Variants in CTNNA2 observed in about 807,000 individuals in gnomAD.
The protein encoded by CTNNA2 is catenin alpha 2, also known as catenin alpha-2.
CTNNA2 carries 42 observed loss-of-function variants against 101.0 expected under a neutral mutation model. That is an observed-to-expected ratio of 0.42 (90% CI 0.32 to 0.54). The LOEUF (loss-of-function observed/expected upper bound fraction) is 0.54, where lower values mean the gene tolerates loss of function less well. Ranked by LOEUF, CTNNA2 falls within the 20% of genes least tolerant of loss-of-function variation. The pLI is 0.14. For missense variants in CTNNA2, 871 were observed against 1,223.1 expected (o/e 0.71, Z 4.29); for synonymous variants, 450 against 456.4 (o/e 0.99, Z 0.18).
intron 7 of CTNNA2, among the ~76,000 whole-genome samples, chr2:79,969,158 A>G (rs1690297302): frequency 6.6e-6 from 1 of 152,196 alleles, no homozygotes; most frequent in South Asian, 2.1e-4. Context: ...CTACCAACCA[A>G]TATTAAATCC....
chr2:80,445,476 C>T (rs921350755), intron 9 of CTNNA2, among the ~76,000 whole-genome samples: 4 of 152,228 alleles, frequency 2.6e-5, no homozygotes, highest in African/African-American at 7.2e-5. Flanking sequence ...CCACTGTGCT[C>T]GGCCCCGTTA....
Position 80,213,866 on chromosome 2 carries a change from T to A in CTNNA2, c.1057-179345T>A, listed in dbSNP as rs553737345. On this transcript the variant is annotated intron_variant, in intron 7 of 18. Transcript: ENST00000402739. ...GGGAGTCTAAGTCTCTTTGTTGGTC[T>A]CTAAGGACTTGCTTTATGAATCTGG... Among the ~76,000 whole-genome samples the A allele has an allele frequency of 1.7e-3, 258 of 152,308 alleles. No individual in the cohort carries two copies. The Middle Eastern group carries it at 0.02, about 12-fold the overall frequency.
At chr2:80,355,045 A>G (rs76936128) in intron 7 of CTNNA2, among the ~76,000 whole-genome samples, 1,768 of 152,240 alleles carry the variant, frequency 0.012, 21 homozygotes, top group South Asian at 0.057. Context: ...TGTGGACAGG[A>G]TAAGGGCTGG....
At chr2:79,501,693 G>C (rs896227284) in intron 4 of CTNNA2, among the ~76,000 whole-genome samples, 12 of 152,162 alleles carry the variant, frequency 7.9e-5, no homozygotes, top group Non-Finnish European at 1.3e-4. Context: ...TAGTTTCAGG[G>C]AAGATCACAA....
intron 18 of CTNNA2, among the ~76,000 whole-genome samples, chr2:80,646,333 ATTGATATATCTCATTAG>A (rs1208412001): frequency 6.6e-6 from 1 of 152,138 alleles, no homozygotes; most frequent in Non-Finnish European, 1.5e-5. Context: ...GTTAACTGTA[ATTGATATATCTCATTAG>A]TTGATGTTAC....
At position 80,336,617 on chromosome 2, in the gene CTNNA2, C is replaced by T. The variant is rs534346433; in HGVS notation, c.1057-56594C>T. 1.2e-4 allele frequency among the ~76,000 whole-genome samples: 19 copies of T among 152,166 alleles called. 1 individual carries two copies. In the South Asian group the frequency reaches 1.5e-3, roughly 12 times the overall value. Reference sequence around the variant, plus strand: ...TGCTTGCATCTATGCATCTCAAACCCCTATATAGTACTTTGAGTTTTCCAT... The same window carrying T: ...TGCTTGCATCTATGCATCTCAAACCTCTATATAGTACTTTGAGTTTTCCAT... On this transcript the variant is annotated intron_variant, in intron 7 of 18. Transcript: ENST00000402739.
chr2:79,730,426 A>C (rs1317421532), intron 2 of CTNNA2, among the ~76,000 whole-genome samples: 3 of 151,992 alleles, frequency 2.0e-5, no homozygotes, highest in Non-Finnish European at 4.4e-5. Flanking sequence ...TTTTGGAAAA[A>C]ACTGTTTTTA....
chr2:80,529,868 A>C (rs7582241), intron 9 of CTNNA2, among the ~76,000 whole-genome samples: 63,405 of 151,838 alleles, frequency 0.42, 13,460 homozygotes, highest in South Asian at 0.44. Flanking sequence ...GGATGAGAGT[A>C]AAACATTTCA....
At chr2:79,452,386 GA>G (rs1251170320) in intron 4 of CTNNA2, among the ~76,000 whole-genome samples, 1 of 151,792 alleles carries the variant, frequency 6.6e-6, no homozygotes, top group African/African-American at 2.4e-5. Flanking sequence ...TTGAAGGAAA[GA>G]AATGCCACAG....
intron 7 of CTNNA2, among the ~76,000 whole-genome samples, chr2:79,931,187 A>G (rs1462692385): frequency 6.6e-6 from 1 of 152,188 alleles, no homozygotes; most frequent in African/African-American, 2.4e-5. Flanking sequence ...TGTGTTAACT[A>G]GTGGTTAAAA....
In CTNNA2 at chr2:80,415,668, A is replaced by G. The variant is rs1298635451; in HGVS notation, c.1138-3781A>G. Among the ~76,000 whole-genome samples the G allele has an allele frequency of 2.6e-5, 4 of 152,136 alleles. No individual in the cohort carries two copies. In the South Asian group the frequency reaches 8.3e-4, roughly 32 times the overall value. On this transcript the variant is annotated intron_variant, in intron 8 of 18. Transcript: ENST00000402739. ...TATGGAGGTGCCTCAAAAAATTAAA[A>G]CTAGAACTTCTGGGTAGAATCTGAT...
intron 2 of CTNNA2, among the ~76,000 whole-genome samples, chr2:79,276,826 A>C (rs1675224080): frequency 6.6e-6 from 1 of 152,114 alleles, no homozygotes; most frequent in African/African-American, 2.4e-5. Flanking sequence ...CATGAAAATT[A>C]AATGTTGTTT....
chr2:80,131,117 G>A (rs1178967323), intron 7 of CTNNA2, among the ~76,000 whole-genome samples: 2 of 152,060 alleles, frequency 1.3e-5, no homozygotes, highest in Non-Finnish European at 2.9e-5. Context: ...GAGTGCAGTG[G>A]CGTAATCTCC....
At chr2:79,809,401 C>T (rs1676832404) in intron 3 of CTNNA2, among the ~76,000 whole-genome samples, 1 of 152,202 alleles carries the variant, frequency 6.6e-6, no homozygotes, top group Non-Finnish European at 1.5e-5. Context: ...TTTATACTTC[C>T]ACTAACAGTG....
intron 3 of CTNNA2, among the ~76,000 whole-genome samples, chr2:79,845,225 T>G (rs1041828246): frequency 6.7e-6 from 1 of 149,374 alleles, no homozygotes; most frequent in Admixed American, 6.7e-5. Flanking sequence ...GGGGCATTTC[T>G]CTATAGTTGT....
At chr2:79,366,380 C>G (rs1558647765) in intron 3 of CTNNA2, among the ~76,000 whole-genome samples, 3 of 152,178 alleles carry the variant, frequency 2.0e-5, no homozygotes, top group Admixed American at 1.3e-4. Flanking sequence ...ATATTAGGAA[C>G]AATGACCTAT....
At position 80,129,965 on chromosome 2, in the gene CTNNA2, T is replaced by C. The variant is rs375457387; in HGVS notation, c.1056+220168T>C. Among the ~76,000 whole-genome samples the C allele has an allele frequency of 7.9e-5, 12 of 152,296 alleles. No individual in the cohort carries two copies. In the East Asian group the frequency reaches 1.9e-3, roughly 25 times the overall value. On this transcript the variant is annotated intron_variant, in intron 7 of 18. Coordinates refer to ENST00000402739, the MANE Select transcript of CTNNA2 (RefSeq NM_001282597.3). The stretch of plus-strand genomic sequence containing the variant: ...GAACTGAAATCTAAATAAAAAATTA[T>C]GATACAGGTCAGTGTGGGAATTGCT...
chr2:80,547,834 C>T (rs1380354611), intron 11 of CTNNA2, among the ~76,000 whole-genome samples: 1 of 151,816 alleles, frequency 6.6e-6, no homozygotes, highest in African/African-American at 2.4e-5. Context: ...GGATTACAGG[C>T]GTGAGCCACT....
At chr2:80,466,684 G>C (rs1477787433) in intron 9 of CTNNA2, among the ~76,000 whole-genome samples, 1 of 152,156 alleles carries the variant, frequency 6.6e-6, no homozygotes, top group Non-Finnish European at 1.5e-5. Flanking sequence ...TACATGAAAA[G>C]TTCTCACAGT....
Sources: gnomAD v4.1 joint callset for allele counts (sites outside exome capture counted in the v4.1 genomes callset) on GRCh38, gnomAD v4.1.1 for gene constraint, MANE v1.5 for transcripts, NCBI Gene and HGNC (gene_info 2026-07-23, HGNC 2026-07-21) for gene names.